The following XKR6 variants were observed in gnomAD, a reference collection of about 807,000 sequenced individuals.
XKR6 encodes the protein XK-related protein 6.
A neutral mutation model predicts 56.7 loss-of-function variants in XKR6; 22 were observed. The observed-to-expected ratio is 0.39, with a 90% CI of 0.28 to 0.55. XKR6 has a LOEUF of 0.55. Among genes scored for constraint, XKR6 ranks in the 20% least tolerant of loss-of-function variants. The probability of loss-of-function intolerance (pLI) is 0.66; values close to 1 mark genes in which losing one functional copy is unlikely to be tolerated. For synonymous variants in XKR6, 524 were observed against 387.8 expected (o/e 1.35, Z -4.13); for missense variants, 852 against 889.0 (o/e 0.96, Z 0.53).
At chr8:11,149,530 T>A (rs897767629) in intron 1 of XKR6, among the ~76,000 whole-genome samples, 1 of 152,146 alleles carries the variant, frequency 6.6e-6, no homozygotes, top group African/African-American at 2.4e-5. Flanking sequence ...TTTAAAATCA[T>A]ACTGCATCAT....
intron 1 of XKR6, among the ~76,000 whole-genome samples, chr8:11,025,291 G>A (rs1201086525): frequency 6.6e-6 from 1 of 152,156 alleles, no homozygotes; most frequent in Non-Finnish European, 1.5e-5. Context: ...TGATGTCCCT[G>A]TGCCTTTCAA....
At chr8:10,952,359 A>C (rs1031027504) in intron 1 of XKR6, among the ~76,000 whole-genome samples, 61 of 152,276 alleles carry the variant, frequency 4.0e-4, no homozygotes, top group Middle Eastern at 3.4e-3. Context: ...TAAACCCCCA[A>C]CAAACACTAA....
intron 1 of XKR6, among the ~76,000 whole-genome samples, chr8:10,939,767 G>A (rs537429650): frequency 1.3e-5 from 2 of 152,360 alleles, no homozygotes; most frequent in Non-Finnish European, 1.5e-5. Context: ...CAGGCCTCCT[G>A]GGCACTGTGA....
At chr8:11,094,028 C>T (rs1416710711) in intron 1 of XKR6, among the ~76,000 whole-genome samples, 1 of 150,944 alleles carries the variant, frequency 6.6e-6, no homozygotes, top group African/African-American at 2.4e-5. Flanking sequence ...TCATGATCCA[C>T]CCGCCTCGGC....
intron 1 of XKR6, among the ~76,000 whole-genome samples, chr8:11,099,917 G>T (rs1448075285): frequency 6.6e-6 from 1 of 152,222 alleles, no homozygotes; most frequent in Admixed American, 6.5e-5. Flanking sequence ...TAAGCACATG[G>T]GGAGGAGCAT....
intron 2 of XKR6, among the ~76,000 whole-genome samples, chr8:10,914,577 G>A (rs1340304116): frequency 3.9e-5 from 6 of 152,170 alleles, no homozygotes; most frequent in Non-Finnish European, 8.8e-5. Context: ...TTAGGCTACA[G>A]CTGAAATGGG....
intron 1 of XKR6, among the ~76,000 whole-genome samples, chr8:11,000,665 AG>A (rs1800677029): frequency 6.6e-6 from 1 of 152,192 alleles, no homozygotes; most frequent in African/African-American, 2.4e-5. Flanking sequence ...AGTCTGGGCA[AG>A]AGAGCCAGAC....
chr8:11,062,534 T>G, intron 1 of XKR6: 1 of 356,600 alleles, frequency 2.8e-6, no homozygotes, highest in Non-Finnish European at 5.5e-6. Flanking sequence ...ACCTGCCCGA[T>G]CCAGCAAAGA....
chr8:10,960,406 T>C (rs1004955294), intron 1 of XKR6, among the ~76,000 whole-genome samples: 4 of 152,222 alleles, frequency 2.6e-5, no homozygotes, highest in Non-Finnish European at 4.4e-5. Flanking sequence ...CCCAGTCTCC[T>C]GGTCAAGATG....
At chr8:11,032,423 A>T (rs2129152413) in intron 1 of XKR6, among the ~76,000 whole-genome samples, 1 of 152,356 alleles carries the variant, frequency 6.6e-6, no homozygotes, top group East Asian at 1.9e-4. Context: ...GTACAAAGAC[A>T]CAAATTGGCC....
At chr8:10,945,347 G>C (rs1250017498) in intron 1 of XKR6, among the ~76,000 whole-genome samples, 1 of 152,188 alleles carries the variant, frequency 6.6e-6, no homozygotes, top group Non-Finnish European at 1.5e-5. Context: ...AGCTGGGCAT[G>C]GTGGTGCACA....
intron 1 of XKR6, among the ~76,000 whole-genome samples, chr8:11,015,656 G>GC (rs1412599875): frequency 3.3e-5 from 5 of 152,238 alleles, no homozygotes; most frequent in Admixed American, 1.3e-4. Context: ...GGGACCCAGC[G>GC]CCCCCCAGGC....
chr8:10,964,616 C>G (rs28491220), intron 1 of XKR6, among the ~76,000 whole-genome samples: 24,670 of 152,168 alleles, frequency 0.16, 2,629 homozygotes, highest in African/African-American at 0.3. Flanking sequence ...GAAGCTGCCC[C>G]CTGAGGTCCT....
At chr8:11,121,433 A>T (rs531199600) in intron 1 of XKR6, among the ~76,000 whole-genome samples, 64 of 152,362 alleles carry the variant, frequency 4.2e-4, no homozygotes, top group African/African-American at 1.4e-3. Context: ...CACATGAAAA[A>T]ATGCTCATCA....
chr8:11,048,465 T>C (rs1361398977), intron 1 of XKR6, among the ~76,000 whole-genome samples: 9 of 151,822 alleles, frequency 5.9e-5, no homozygotes, highest in Admixed American at 5.9e-4. Flanking sequence ...CATATCGAGG[T>C]CTCTTAATAT....
chr8:10,950,383 C>G (rs1406656858), intron 1 of XKR6, among the ~76,000 whole-genome samples: 1 of 152,204 alleles, frequency 6.6e-6, no homozygotes, highest in African/African-American at 2.4e-5. Flanking sequence ...GCAGTGCACA[C>G]CCTCCCTGTG....
intron 1 of XKR6, among the ~76,000 whole-genome samples, chr8:10,984,732 C>CTCTCTCTCTATATATATATATATA: frequency 1.1e-3 from 51 of 47,458 alleles, no homozygotes; most frequent in Non-Finnish European, 1.7e-3. Flanking sequence ...CTCTCTCTCT[C>CTCTCTCTCTATATATATATATATA]TATATATATA....
intron 1 of XKR6, among the ~76,000 whole-genome samples, chr8:10,941,273 C>G (rs1801378437): frequency 6.6e-6 from 1 of 152,144 alleles, no homozygotes; most frequent in African/African-American, 2.4e-5. Flanking sequence ...AGGTTGGTTC[C>G]CTGGGGGCAG....
At chr8:10,969,379 A>G (rs781347849) in intron 1 of XKR6, among the ~76,000 whole-genome samples, 11 of 152,226 alleles carry the variant, frequency 7.2e-5, no homozygotes, top group Non-Finnish European at 1.3e-4. Context: ...GATGTCACCC[A>G]GTGGTATCCA....
Sources: allele counts gnomAD v4.1 joint callset (sites outside exome capture counted in the v4.1 genomes callset), GRCh38; gene constraint gnomAD v4.1.1; transcripts MANE v1.5; gene names NCBI Gene and HGNC (gene_info 2026-07-23, HGNC 2026-07-21).